TCF4: variants seen among roughly 807,000 people sequenced by gnomAD.
The protein encoded by TCF4 is SL3-3 enhancer factor 2.
Under a neutral mutation model 82.1 loss-of-function variants are expected in TCF4, and 3 were observed. The observed-to-expected ratio is 0.04, with a 90% CI of 0.02 to 0.09. TCF4 has a LOEUF of 0.09. Among genes scored for constraint, TCF4 ranks in the 10% least tolerant of loss-of-function variants. The pLI, the probability that TCF4 is intolerant of heterozygous loss-of-function variation, is 1.00. For missense variants in TCF4, 518 were observed against 852.7 expected (o/e 0.61, Z 4.89); for synonymous variants, 276 against 309.6 (o/e 0.89, Z 1.14).
intron 8 of TCF4, among the ~76,000 whole-genome samples, chr18:55,315,996 A>C (rs1412101411): frequency 1.3e-5 from 2 of 152,074 alleles, no homozygotes; most frequent in Non-Finnish European, 2.9e-5. Context: ...GTCATCTTAG[A>C]GTTATGTTTG....
At chr18:55,396,131 G>T (rs1234801296) in intron 6 of TCF4, among the ~76,000 whole-genome samples, 3 of 152,086 alleles carry the variant, frequency 2.0e-5, no homozygotes, top group Admixed American at 6.6e-5. Context: ...AACTAATATG[G>T]ACTTCTGAGC....
intron 6 of TCF4, among the ~76,000 whole-genome samples, chr18:55,374,123 T>C (rs1429216818): frequency 2.0e-5 from 3 of 152,030 alleles, no homozygotes; most frequent in Non-Finnish European, 1.5e-5. Context: ...TAGTGATAGC[T>C]GTATATAAGA....
At chr18:55,519,979 G>A (rs970565256) in intron 3 of TCF4, among the ~76,000 whole-genome samples, 2 of 152,102 alleles carry the variant, frequency 1.3e-5, no homozygotes, top group African/African-American at 4.8e-5. Context: ...AGTGCTATAA[G>A]AATCTTCTCA....
chr18:55,410,203 C>A (rs980701248), intron 5 of TCF4, among the ~76,000 whole-genome samples: 1 of 152,110 alleles, frequency 6.6e-6, no homozygotes, highest in Admixed American at 6.6e-5. Flanking sequence ...ACTCTCTCTT[C>A]CGCTGATGTT....
chr18:55,470,902 C>T (rs2096162234), intron 3 of TCF4, among the ~76,000 whole-genome samples: 3 of 152,228 alleles, frequency 2.0e-5, no homozygotes, highest in South Asian at 4.1e-4. Context: ...GTCTACACTG[C>T]CTCAAAACCT....
At chr18:55,447,980 C>T (rs1268278308) in intron 5 of TCF4, among the ~76,000 whole-genome samples, 1 of 125,102 alleles carries the variant, frequency 8.0e-6, no homozygotes, top group African/African-American at 3.2e-5. Flanking sequence ...AATGAACAAC[C>T]CTATTGTTTT....
At chr18:55,492,831 G>A (rs921069740) in intron 3 of TCF4, among the ~76,000 whole-genome samples, 1 of 152,144 alleles carries the variant, frequency 6.6e-6, no homozygotes, top group East Asian at 1.9e-4. Context: ...CATACTATCT[G>A]GCTAAAGCCC....
chr18:55,310,623 C>T (rs762109488), intron 8 of TCF4, among the ~76,000 whole-genome samples: 2 of 152,146 alleles, frequency 1.3e-5, no homozygotes, highest in Non-Finnish European at 2.9e-5. Context: ...GAGAGGTCCC[C>T]AGTTGTGAGG....
intron 8 of TCF4, among the ~76,000 whole-genome samples, chr18:55,326,447 G>C (rs1360699864): frequency 3.7e-5 from 3 of 81,956 alleles, no homozygotes; most frequent in Non-Finnish European, 2.5e-5. Context: ...ACCTAAAATA[G>C]ACTTAGGTGA....
intron 6 of TCF4, among the ~76,000 whole-genome samples, chr18:55,385,790 A>G (rs1026922809): frequency 6.6e-6 from 1 of 152,320 alleles, no homozygotes; most frequent in African/African-American, 2.4e-5. Context: ...TTTGCGAGTC[A>G]ATGAAAGAAT....
chr18:55,634,547 G>A (rs544572065), intron 1 of TCF4, among the ~76,000 whole-genome samples: 1 of 152,198 alleles, frequency 6.6e-6, no homozygotes, highest in Admixed American at 6.5e-5. Flanking sequence ...CTAGTGTGGA[G>A]GAATAGGTGC....
intron 2 of TCF4, among the ~76,000 whole-genome samples, chr18:55,631,058 T>G (rs2097731064): frequency 6.6e-6 from 1 of 151,650 alleles, no homozygotes; most frequent in Admixed American, 6.6e-5. Flanking sequence ...TGGGTTTTTT[T>G]TTTTTTTTTG....
chr18:55,247,198 T>A (rs374486430), intron 15 of TCF4, among the ~76,000 whole-genome samples: 1 of 152,246 alleles, frequency 6.6e-6, no homozygotes, highest in Non-Finnish European at 1.5e-5. Context: ...TCTGTAACAC[T>A]GAGCCTCATG....
chr18:55,395,180 G>T (rs948771032), intron 6 of TCF4, among the ~76,000 whole-genome samples: 5 of 152,184 alleles, frequency 3.3e-5, no homozygotes, highest in Admixed American at 6.5e-5. Flanking sequence ...CTTTCTTACA[G>T]AAGGAGGCTA....
chr18:55,357,343 C>T (rs529021009), intron 6 of TCF4, among the ~76,000 whole-genome samples: 23 of 152,042 alleles, frequency 1.5e-4, no homozygotes, highest in Non-Finnish European at 3.2e-4. Flanking sequence ...GTAAACAATA[C>T]AGAATTTAAG....
chr18:55,269,215 A>C (rs2059832073), intron 11 of TCF4: 1 of 154,844 alleles, frequency 6.5e-6, no homozygotes, highest in African/African-American at 2.4e-5. Context: ...TCCTTGGTAA[A>C]AATTAATTAA....
At chr18:55,421,011 T>G (rs1205954792) in intron 5 of TCF4, among the ~76,000 whole-genome samples, 5 of 152,210 alleles carry the variant, frequency 3.3e-5, no homozygotes, top group Middle Eastern at 3.4e-3. Context: ...ACCTATCGTT[T>G]CAGATTGCTT....
intron 3 of TCF4, among the ~76,000 whole-genome samples, chr18:55,522,633 C>T (rs898608341): frequency 2.1e-4 from 32 of 151,806 alleles, no homozygotes; most frequent in African/African-American, 6.0e-4. Context: ...CTGATGTAGA[C>T]GACAAACTTG....
chr18:55,541,635 T>G (rs889374654), intron 3 of TCF4, among the ~76,000 whole-genome samples: 1 of 151,940 alleles, frequency 6.6e-6, no homozygotes, highest in African/African-American at 2.4e-5. Context: ...TTATAAAAGA[T>G]CAAGAAAGAC....
Sources: allele counts gnomAD v4.1 joint callset (sites outside exome capture counted in the v4.1 genomes callset), GRCh38; gene constraint gnomAD v4.1.1; transcripts MANE v1.5; gene names NCBI Gene and HGNC (gene_info 2026-07-23, HGNC 2026-07-21).